CAMK1D: variants seen among roughly 807,000 people sequenced by gnomAD.
CAMK1D encodes the protein calcium/calmodulin-dependent protein kinase type 1D.
Under a neutral mutation model 47.7 loss-of-function variants are expected in CAMK1D, and 9 were observed. The ratio of observed to expected loss-of-function variants is 0.19; its 90% CI spans 0.11 to 0.33. CAMK1D has a LOEUF of 0.33. Among genes scored for constraint, CAMK1D ranks in the 10% least tolerant of loss-of-function variants. The pLI, the probability that CAMK1D is intolerant of heterozygous loss-of-function variation, is 1.00. For synonymous variants in CAMK1D, 184 were observed against 184.9 expected, an observed-to-expected ratio of 0.99 and a Z score of 0.04; for missense variants, 291 against 488.7, an observed-to-expected ratio of 0.60 and a Z score of 3.81.
intron 2 of CAMK1D, among the ~76,000 whole-genome samples, chr10:12,605,219 A>G (rs1039512272): frequency 4.6e-5 from 7 of 152,076 alleles, no homozygotes; most frequent in Admixed American, 1.3e-4. Flanking sequence ...AGAGAAAATA[A>G]CAGGCCTGGC....
intron 1 of CAMK1D, among the ~76,000 whole-genome samples, chr10:12,534,652 C>T (rs1321317696): frequency 1.3e-5 from 2 of 152,196 alleles, no homozygotes; most frequent in Non-Finnish European, 2.9e-5. Flanking sequence ...AGACATGAGC[C>T]ACAGCGCCTG....
intron 1 of CAMK1D, among the ~76,000 whole-genome samples, chr10:12,361,331 C>CT (rs1240635792): frequency 7.4e-5 from 11 of 148,080 alleles, no homozygotes; most frequent in African/African-American, 2.7e-4. Context: ...ACTGCAATCT[C>CT]TGCCTCCCAG....
At chr10:12,745,432 T>C (rs1441957294) in intron 3 of CAMK1D, among the ~76,000 whole-genome samples, 1 of 151,964 alleles carries the variant, frequency 6.6e-6, no homozygotes, top group Admixed American at 6.5e-5. Flanking sequence ...CACGCTAGAA[T>C]ACTAGAAACA....
intron 1 of CAMK1D, among the ~76,000 whole-genome samples, chr10:12,452,986 T>A (rs1394626367): frequency 6.6e-6 from 1 of 152,128 alleles, no homozygotes; most frequent in Non-Finnish European, 1.5e-5. Flanking sequence ...AACTCTGCCC[T>A]CATTCAACAG....
At chr10:12,479,593 C>G (rs180832805) in intron 1 of CAMK1D, among the ~76,000 whole-genome samples, 1 of 152,366 alleles carries the variant, frequency 6.6e-6, no homozygotes, top group Non-Finnish European at 1.5e-5. Flanking sequence ...GTCTCCCACT[C>G]AGCCAAGGGG....
intron 1 of CAMK1D, among the ~76,000 whole-genome samples, chr10:12,373,219 G>C (rs1293819503): frequency 6.6e-6 from 1 of 151,984 alleles, no homozygotes. Context: ...AGACTGAGGT[G>C]GGAGGATCAC....
At chr10:12,766,011 A>G (rs1836739883) in intron 4 of CAMK1D, among the ~76,000 whole-genome samples, 6 of 131,986 alleles carry the variant, frequency 4.5e-5, no homozygotes, top group Admixed American at 3.6e-4. Flanking sequence ...TGTTGCCCAG[A>G]CTGGAGTGCA....
chr10:12,552,472 T>C (rs1836616861), intron 1 of CAMK1D, among the ~76,000 whole-genome samples: 1 of 152,186 alleles, frequency 6.6e-6, no homozygotes, highest in Non-Finnish European at 1.5e-5. Context: ...TGAAATTTCC[T>C]CTAGATGAAA....
intron 3 of CAMK1D, among the ~76,000 whole-genome samples, chr10:12,697,284 T>C (rs1376748343): frequency 1.3e-5 from 2 of 152,218 alleles, no homozygotes; most frequent in African/African-American, 2.4e-5. Flanking sequence ...AAAATGTTTC[T>C]CTACTTTTAA....
intron 7 of CAMK1D, among the ~76,000 whole-genome samples, chr10:12,815,783 G>T (rs11813527): frequency 0.014 from 2,060 of 152,326 alleles, 41 homozygotes; most frequent in African/African-American, 0.048. Context: ...GGCCACACAT[G>T]GTGCTTTCTG....
intron 1 of CAMK1D, among the ~76,000 whole-genome samples, chr10:12,527,598 A>G (rs182248170): frequency 1.3e-5 from 2 of 151,612 alleles, no homozygotes; most frequent in Admixed American, 6.6e-5. Flanking sequence ...GAGGTCTCCA[A>G]CTCCTGACCT....
rs150675723 is a variant in CAMK1D, at chr10:12,433,112, A to G, written c.92+83202A>G. Among the ~76,000 whole-genome samples the G allele has an allele frequency of 8.3e-3, 1,268 of 152,308 alleles. 11 individuals are homozygous for G. The highest frequency in any genetic ancestry group is 0.014 in the Non-Finnish European group (945 of 68,022). On this transcript the variant is annotated intron_variant, in intron 1 of 10. Coordinates refer to ENST00000619168, the MANE Select transcript of CAMK1D (RefSeq NM_153498.4). The stretch of plus-strand genomic sequence containing the variant: ...GGGAAAGACCCATAAAGCACACACC[A>G]GGTGCTCGGTCAGGTTTCCTCTCAC...
chr10:12,764,392 A>AAAAAAAC (rs1836652555), intron 4 of CAMK1D, among the ~76,000 whole-genome samples: 2 of 148,144 alleles, frequency 1.4e-5, no homozygotes, highest in Non-Finnish European at 1.5e-5. Context: ...AAAAAAAAAA[A>AAAAAAAC]AAAAAACATT....
intron 1 of CAMK1D, among the ~76,000 whole-genome samples, chr10:12,524,195 G>T (rs1018225996): frequency 3.3e-5 from 5 of 151,680 alleles, no homozygotes; most frequent in Admixed American, 6.6e-5. Flanking sequence ...TTGATCTCCT[G>T]AGATCGTAAT....
At chr10:12,598,724 T>C (rs1246233902) in intron 2 of CAMK1D, among the ~76,000 whole-genome samples, 4 of 152,194 alleles carry the variant, frequency 2.6e-5, no homozygotes, top group Non-Finnish European at 4.4e-5. Context: ...GCCTTTACTT[T>C]GAGGTGGTCC....
intron 2 of CAMK1D, among the ~76,000 whole-genome samples, chr10:12,615,103 A>G (rs1235409861): frequency 6.6e-6 from 1 of 152,146 alleles, no homozygotes; most frequent in East Asian, 1.9e-4. Flanking sequence ...AACGCCTGAG[A>G]GCCCCAAAGG....
intron 1 of CAMK1D, among the ~76,000 whole-genome samples, chr10:12,392,697 T>C (rs1012008304): frequency 5.3e-5 from 8 of 152,214 alleles, no homozygotes; most frequent in Non-Finnish European, 8.8e-5. Context: ...TTTGAGAGCA[T>C]ATACATTGTT....
intron 3 of CAMK1D, among the ~76,000 whole-genome samples, chr10:12,749,543 G>GT (rs1281656402): frequency 0.068 from 8,934 of 131,720 alleles, 386 homozygotes; most frequent in East Asian, 0.16. Flanking sequence ...TTGTTTGTTT[G>GT]TTTGTTTTTT....
chr10:12,395,911 A>G (rs1293034632), intron 1 of CAMK1D, among the ~76,000 whole-genome samples: 1 of 151,478 alleles, frequency 6.6e-6, no homozygotes, highest in African/African-American at 2.4e-5. Flanking sequence ...TGGGCAACAG[A>G]GTGAGACTCC....
Sources: gnomAD v4.1 joint callset for allele counts (sites outside exome capture counted in the v4.1 genomes callset) on GRCh38, gnomAD v4.1.1 for gene constraint, MANE v1.5 for transcripts, NCBI Gene and HGNC (gene_info 2026-07-23, HGNC 2026-07-21) for gene names.